CA10: variants seen among roughly 807,000 people sequenced by gnomAD.
CA10 encodes carbonic anhydrase-related protein 10.
A neutral mutation model predicts 44.2 loss-of-function variants in CA10; 14 were observed. That is an observed-to-expected ratio of 0.32 (90% CI 0.21 to 0.50). The LOEUF (loss-of-function observed/expected upper bound fraction) is 0.50, where lower values mean the gene tolerates loss of function less well. CA10 is among the 20% of genes least tolerant of loss of function. The pLI is 0.99. For missense variants in CA10, 350 were observed against 409.7 expected, an observed-to-expected ratio of 0.85 and a Z score of 1.26; for synonymous variants, 159 against 141.6, an observed-to-expected ratio of 1.12 and a Z score of -0.87.
At chr17:51,862,240 T>A (rs1979343550) in intron 3 of CA10, among the ~76,000 whole-genome samples, 1 of 152,208 alleles carries the variant, frequency 6.6e-6, no homozygotes. Context: ...TTGCTCCAAC[T>A]AGTATTAGTG....
At chr17:51,833,209 T>C (rs993372995) in intron 3 of CA10, among the ~76,000 whole-genome samples, 1 of 152,010 alleles carries the variant, frequency 6.6e-6, no homozygotes, top group Non-Finnish European at 1.5e-5. Context: ...TTAGTGAGAG[T>C]AGCTTGTTCT....
intron 3 of CA10, among the ~76,000 whole-genome samples, chr17:51,789,214 C>T (rs992376243): frequency 1.3e-5 from 2 of 152,136 alleles, no homozygotes; most frequent in South Asian, 4.1e-4. Flanking sequence ...GGGGGTTTCA[C>T]CACGTTGGTC....
intron 4 of CA10, among the ~76,000 whole-genome samples, chr17:51,679,628 C>G (rs148482298): frequency 0.011 from 1,690 of 151,278 alleles, 23 homozygotes; most frequent in African/African-American, 0.037. Flanking sequence ...GGCGCAATCT[C>G]AGCTCACTGC....
At chr17:51,820,486 T>C (rs12938913) in intron 3 of CA10, among the ~76,000 whole-genome samples, 2 of 144,974 alleles carry the variant, frequency 1.4e-5, no homozygotes, top group African/African-American at 5.1e-5. Context: ...TATCAGATAG[T>C]CTTTTTATTG....
intron 2 of CA10, among the ~76,000 whole-genome samples, chr17:52,061,500 T>TA (rs1337248168): frequency 6.6e-6 from 1 of 152,208 alleles, no homozygotes; most frequent in East Asian, 1.9e-4. Context: ...ATAAGACTGA[T>TA]ATGGTTAGCC....
intron 3 of CA10, among the ~76,000 whole-genome samples, chr17:51,903,495 C>G (rs1981409462): frequency 6.6e-6 from 1 of 152,092 alleles, no homozygotes; most frequent in Admixed American, 6.6e-5. Flanking sequence ...ATGAGCCAGG[C>G]AAACACTAAT....
At chr17:51,976,756 G>GA (rs921552125) in intron 2 of CA10, among the ~76,000 whole-genome samples, 1 of 149,858 alleles carries the variant, frequency 6.7e-6, no homozygotes, top group Non-Finnish European at 1.5e-5. Context: ...AAATGAGAGT[G>GA]AAAAAAAGAC....
chr17:51,857,784 TCTG>T, intron 3 of CA10, among the ~76,000 whole-genome samples: 2 of 152,300 alleles, frequency 1.3e-5, no homozygotes, highest in South Asian at 4.1e-4. Context: ...AGCACAATAT[TCTG>T]CTTTCATAAT....
At chr17:51,923,010 T>G (rs1450684514) in intron 3 of CA10, among the ~76,000 whole-genome samples, 1 of 152,204 alleles carries the variant, frequency 6.6e-6, no homozygotes, top group Non-Finnish European at 1.5e-5. Flanking sequence ...AAAATACAGA[T>G]GAGTAAGAAT....
chr17:51,684,029 A>T (rs1393892238), intron 4 of CA10, among the ~76,000 whole-genome samples: 2 of 152,236 alleles, frequency 1.3e-5, no homozygotes, highest in Non-Finnish European at 2.9e-5. Context: ...TGGAAAAATA[A>T]CTTTGCAGAT....
intron 3 of CA10, among the ~76,000 whole-genome samples, chr17:51,799,311 T>G (rs1598050851): frequency 6.6e-6 from 1 of 152,222 alleles, no homozygotes; most frequent in African/African-American, 2.4e-5. Context: ...TATAAGTCTT[T>G]GAGGTTCTGG....
intron 2 of CA10, among the ~76,000 whole-genome samples, chr17:51,997,460 T>A (rs979697185): frequency 6.6e-6 from 1 of 152,130 alleles, no homozygotes; most frequent in African/African-American, 2.4e-5. Flanking sequence ...GGTCCATGGA[T>A]AATCAATTAT....
intron 3 of CA10, chr17:51,761,772 G>C (rs913746889): frequency 3.3e-5 from 5 of 152,198 alleles, no homozygotes; most frequent in African/African-American, 1.2e-4. Context: ...TGCCGTGGAA[G>C]CAAGGCGTAG....
intron 2 of CA10, among the ~76,000 whole-genome samples, chr17:52,011,744 A>C (rs1985803583): frequency 6.6e-6 from 1 of 152,078 alleles, no homozygotes; most frequent in Non-Finnish European, 1.5e-5. Flanking sequence ...GGAGATCATG[A>C]TACAAACAAG....
intron 1 of CA10, among the ~76,000 whole-genome samples, chr17:52,074,382 A>G (rs1987763254): frequency 6.6e-6 from 1 of 152,158 alleles, no homozygotes. Flanking sequence ...ATCACCTAAC[A>G]GTTTTGCATC....
rs536692137 is a variant in CA10 at position 51,832,255 on chromosome 17, T to C, written c.280-84437A>G. ...TATAGTAACACTCAATTCCTGAACA[T>C]GATAAGCAATAACTATTTTAGAAGG... is the stretch of plus-strand genomic sequence containing the variant. On this transcript the variant is annotated intron_variant, in intron 3 of 8. Transcript: ENST00000451037. Among the ~76,000 whole-genome samples the C allele has an allele frequency of 9.2e-5, 14 of 152,302 alleles. No individual in the cohort carries two copies. In the South Asian group the frequency reaches 2.3e-3, roughly 25 times the overall value.
chr17:52,084,930 C>T (rs2143187814), intron 1 of CA10, among the ~76,000 whole-genome samples: 1 of 152,284 alleles, frequency 6.6e-6, no homozygotes, highest in South Asian at 2.1e-4. Context: ...CTATGCCTCT[C>T]CTCACCTCTT....
rs143742703 is a variant in CA10, at chr17:51,883,387, C to T, written c.279+47603G>A. ...GCTTTTATTACTCCATTTCTTTGAG[C>T]TTTTTACATTAAAAGTCCTCAAGAG... is the stretch of plus-strand genomic sequence containing the variant. On this transcript the variant is annotated intron_variant, in intron 3 of 8. Coordinates refer to ENST00000451037, the MANE Select transcript of CA10 (RefSeq NM_020178.5). Among the ~76,000 whole-genome samples, 1,071 of 152,160 alleles carry T rather than the reference C, an allele frequency of 7.0e-3. 9 individuals are homozygous for T. The highest frequency in any genetic ancestry group is 0.021 in the African/African-American group (886 of 41,508).
intron 4 of CA10, among the ~76,000 whole-genome samples, chr17:51,673,104 C>A (rs1914486078): frequency 6.6e-6 from 1 of 152,170 alleles, no homozygotes; most frequent in African/African-American, 2.4e-5. Context: ...AGGAAAGGGC[C>A]ATTCTTTGCT....
Sources: allele counts gnomAD v4.1 joint callset (sites outside exome capture counted in the v4.1 genomes callset), GRCh38; gene constraint gnomAD v4.1.1; transcripts MANE v1.5; gene names NCBI Gene and HGNC (gene_info 2026-07-23, HGNC 2026-07-21).